POSTN: variants seen among roughly 807,000 people sequenced by gnomAD.
The protein encoded by POSTN is periostin.
In POSTN, 71 loss-of-function variants were observed where a neutral mutation model predicts 104.5. That is an observed-to-expected ratio of 0.68 (90% CI 0.56 to 0.83). POSTN has a LOEUF of 0.83. Ranked by LOEUF, POSTN falls within the 40% of genes least tolerant of loss-of-function variation. The pLI, the probability that POSTN is intolerant of heterozygous loss-of-function variation, is 0.00. For synonymous variants in POSTN, 355 were observed against 340.7 expected, an observed-to-expected ratio of 1.04 and a Z score of -0.46; for missense variants, 949 against 1,006.8, an observed-to-expected ratio of 0.94 and a Z score of 0.78.
chr13:37,598,702 A>C lies in POSTN; in HGVS notation c.25T>G (p.Ser9Ala). 6.2e-7 allele frequency: 1 copy of C among 1,613,326 alleles called. No individual in the cohort carries two copies. Among genetic ancestry groups the C allele is most frequent in the Non-Finnish European group, 8.5e-7 (1 of 1,179,372 alleles). Residue 9 changes from serine to alanine, a missense_variant, in exon 1 of 23, where the codon TCT becomes GCT. By Grantham distance (99) the Ser-to-Ala change is moderately conservative. Coordinates refer to ENST00000379747, the MANE Select transcript of POSTN (RefSeq NM_006475.3). MIPFLPMF[S>A]LLLLLIVNPI... ...TTAACAATAAGCAGCAATAGTAGAG[A>C]AAACATGGGTAAAAAGGGAATCATC...
chr13:37,574,826 T>C (rs1200620166), intron 16 of POSTN, among the ~76,000 whole-genome samples, 174 bp from the exon 17 acceptor site: 1 of 151,890 alleles, frequency 6.6e-6, no homozygotes, highest in African/African-American at 2.4e-5. Flanking sequence ...TAATATCTTC[T>C]CATGTCCAGG....
At chr13:37,598,585 A>G (rs1282329643) in intron 1 of POSTN, 23 bp downstream of exon 1, 1 of 1,597,836 alleles carries the variant, frequency 6.3e-7, no homozygotes, top group Admixed American at 1.7e-5. Flanking sequence ...AAAATGGTTT[A>G]TAAAACCAAA....
rs1046173635 is a variant in POSTN, at chr13:37,569,817, A to G, written c.2274T>C (p.Pro758=). ...ETREERIITG[P]EIKYTRISTG... is the part of the protein sequence containing the mutation. Reference sequence around the variant, plus strand: ...TAGAAATCCTAGTGTATTTTATTTCAGGACCTATGAGAAGGACAATGAAAA... The same window carrying G: ...TAGAAATCCTAGTGTATTTTATTTCGGGACCTATGAGAAGGACAATGAAAA... The change falls in exon 20 of 23, where the codon CCT becomes CCC. Residue 758 remains proline, a synonymous_variant. Coordinates refer to ENST00000379747, the MANE Select transcript of POSTN (RefSeq NM_006475.3). 6.3e-7 allele frequency: 1 copy of G among 1,593,582 alleles called. No homozygotes were observed. The highest frequency in any genetic ancestry group is 1.1e-5 in the South Asian group (1 of 90,492).
Position 37,587,854 on chromosome 13 carries a change from A to T in POSTN, c.574T>A (p.Leu192Met). Residue 192 changes from leucine (L) to methionine (M), a missense_variant, in exon 5 of 23, where the codon TTG becomes ATG. Leu to Met is a conservative substitution (Grantham distance 15). Coordinates refer to ENST00000379747, the MANE Select transcript of POSTN (RefSeq NM_006475.3). Reference protein sequence around the residue: ...GMIIPSMYNNLGLFINHYPNG... With the variant: ...GMIIPSMYNNMGLFINHYPNG... ...GGATAATGGTTAATGAAAAGCCCCA[A>T]ATTGTTATACATTGAAGGAATAATC... The T allele has an allele frequency of 6.2e-7, 1 of 1,604,436 alleles. No individual in the cohort carries two copies. Among genetic ancestry groups the T allele is most frequent in the Admixed American group, 1.7e-5 (1 of 59,608 alleles).
intron 5 of POSTN, 139 bp from the exon 6 acceptor site, chr13:37,587,067 G>T: frequency 1.4e-6 from 1 of 713,000 alleles, no homozygotes; most frequent in Non-Finnish European, 2.2e-6. Flanking sequence ...TAAACGCTGT[G>T]GATGAAGATT....
At chr13:37,579,466 CATA>C (rs1375527961) in intron 12 of POSTN, 107 bp from the exon 13 acceptor site, 5 of 918,134 alleles carry the variant, frequency 5.4e-6, no homozygotes, top group Admixed American at 5.1e-5. Context: ...TGTACTTTCT[CATA>C]ATATCATTAT....
intron 21 of POSTN, among the ~76,000 whole-genome samples, chr13:37,567,487 G>C (rs1950148865): frequency 6.6e-6 from 1 of 152,038 alleles, no homozygotes; most frequent in African/African-American, 2.4e-5. Context: ...GTTTTAGATA[G>C]CTGGAAAAAA....
intron 22 of POSTN, among the ~76,000 whole-genome samples, chr13:37,564,182 A>G (rs55911062): frequency 0.021 from 1,114 of 52,392 alleles, 9 homozygotes; most frequent in African/African-American, 0.031. Flanking sequence ...AAAACATTAC[A>G]TATATATATA....
At chr13:37,575,879 T>C (rs1950392491) in intron 16 of POSTN, among the ~76,000 whole-genome samples, 1 of 152,156 alleles carries the variant, frequency 6.6e-6, no homozygotes, top group Admixed American at 6.6e-5. Context: ...CCACAGGTGG[T>C]CTTGCCACAG....
intron 8 of POSTN, 109 bp from the exon 9 acceptor site, chr13:37,584,212 T>C (rs1179555120): frequency 2.2e-6 from 3 of 1,361,672 alleles, no homozygotes; most frequent in East Asian, 2.5e-5. Context: ...AGCTATTTAC[T>C]GCAATGTCAG....
intron 3 of POSTN, among the ~76,000 whole-genome samples, chr13:37,591,160 GGATTTTA>G (rs1216401759): frequency 6.6e-6 from 1 of 151,898 alleles, no homozygotes; most frequent in Non-Finnish European, 1.5e-5. Flanking sequence ...TATAAAACCA[GGATTTTA>G]AAAGACCCTA....
chr13:37,571,973 G>T (rs1950274002), intron 17 of POSTN, among the ~76,000 whole-genome samples: 1 of 151,572 alleles, frequency 6.6e-6, no homozygotes, highest in African/African-American at 2.4e-5. Flanking sequence ...CTACCTTTAA[G>T]ATGCTGAATG....
In POSTN at chr13:37,584,040, A is replaced by C. The variant is rs1362763046; in HGVS notation, c.1172T>G (p.Leu391Ter). The C allele has an allele frequency of 6.2e-7, 1 of 1,613,996 alleles. No individual in the cohort carries two copies. Among genetic ancestry groups the C allele is most frequent in the Non-Finnish European group, 8.5e-7 (1 of 1,179,956 alleles). The change falls in exon 9 of 23, where the codon TTA (leucine) becomes TGA (stop). Residue 391 changes from leucine to a stop codon, truncating the protein, a stop_gained. Transcript: ENST00000379747. LOFTEE classifies it high-confidence loss of function. ...QTTFTDLVAQLGLASALRPDG... is the reference protein window; with the variant it reads ...QTTFTDLVAQ ...TGGCCTCAGAGCAGATGCCAAGCCT[A>C]ATTGGGCCACAAGATCCGTGAAGGT... is the stretch of plus-strand genomic sequence containing the variant.
At chr13:37,586,111 C>T (rs1420960062) in intron 7 of POSTN, 28 bp downstream of exon 7, 1 of 1,570,728 alleles carries the variant, frequency 6.4e-7, no homozygotes. Context: ...TGCTGGGAGA[C>T]TCCTTAGAGA....
At chr13:37,571,318 C>T (rs774101814) in intron 18 of POSTN, 51 bp downstream of exon 18, 4 of 1,198,548 alleles carry the variant, frequency 3.3e-6, no homozygotes, top group Non-Finnish European at 3.6e-6. Flanking sequence ...AACACTATTT[C>T]AAAATAATCA....
chr13:37,569,645 T>C (rs1950205450), intron 20 of POSTN, 99 bp downstream of exon 20: 2 of 972,410 alleles, frequency 2.1e-6, no homozygotes, highest in South Asian at 2.6e-5. Flanking sequence ...AAATGAACAA[T>C]AGATTGAGAT....
chr13:37,587,768 A>G, intron 5 of POSTN, 54 bp downstream of exon 5: 1 of 1,327,948 alleles, frequency 7.5e-7, no homozygotes, highest in East Asian at 2.4e-5. Context: ...AAAAGTATAG[A>G]CAAAATTAAA....
At chr13:37,569,148 A>G (rs1950191667) in intron 21 of POSTN, 152 bp downstream of exon 21, 1 of 569,298 alleles carries the variant, frequency 1.8e-6, no homozygotes, top group Non-Finnish European at 3.1e-6. Flanking sequence ...ATTAACTACC[A>G]TTGAACCAAT....
At chr13:37,564,050 A>T (rs967931282) in intron 22 of POSTN, among the ~76,000 whole-genome samples, 3 of 150,980 alleles carry the variant, frequency 2.0e-5, no homozygotes, top group Non-Finnish European at 4.4e-5. Flanking sequence ...ATTGTCTCAC[A>T]TAATAACATT....
Sources: allele counts gnomAD v4.1 joint callset (sites outside exome capture counted in the v4.1 genomes callset), GRCh38; gene constraint gnomAD v4.1.1; transcripts MANE v1.5; gene names NCBI Gene and HGNC (gene_info 2026-07-23, HGNC 2026-07-21).